CSNK2A2IP: variants seen among roughly 807,000 people sequenced by gnomAD.
CSNK2A2IP encodes the protein casein kinase II subunit alpha'-interacting protein.
At chr3:88,446,046 C>G in the CSNK2A2IP span, among the ~76,000 whole-genome samples, 7 of 62,196 alleles carry the variant, frequency 1.1e-4, no homozygotes, top group East Asian at 4.1e-4. Flanking sequence ...TTCTTTCTTT[C>G]TTTCTTTCTT....
the CSNK2A2IP span, among the ~76,000 whole-genome samples, chr3:88,351,728 T>C: frequency 6.6e-6 from 1 of 152,176 alleles, no homozygotes; most frequent in African/African-American, 2.4e-5. Flanking sequence ...CCCATTTTCC[T>C]ATGAGAAAGC....
the CSNK2A2IP span, among the ~76,000 whole-genome samples, chr3:88,442,751 C>G: frequency 6.6e-6 from 1 of 151,484 alleles, no homozygotes; most frequent in Non-Finnish European, 1.5e-5. Context: ...TTTGGTCTAG[C>G]TAATCTAGAT....
chr3:88,466,441 C>A, the CSNK2A2IP span: 6 of 1,231,822 alleles, frequency 4.9e-6, no homozygotes, highest in South Asian at 4.1e-5. Context: ...TCTACCATCA[C>A]CCCATCCAAA....
At chr3:88,458,657 T>C in the CSNK2A2IP span, among the ~76,000 whole-genome samples, 1 of 152,130 alleles carries the variant, frequency 6.6e-6, no homozygotes, top group East Asian at 1.9e-4. Context: ...CTAATGTCAT[T>C]AATTTGAGAA....
the CSNK2A2IP span, among the ~76,000 whole-genome samples, chr3:88,385,628 T>TA: frequency 6.6e-6 from 1 of 152,148 alleles, no homozygotes; most frequent in Non-Finnish European, 1.5e-5. Context: ...TTTATAGGTT[T>TA]ATTGGGAAAA....
chr3:88,463,334 T>C, the CSNK2A2IP span, among the ~76,000 whole-genome samples: 437 of 151,960 alleles, frequency 2.9e-3, 2 homozygotes, highest in African/African-American at 9.8e-3. Context: ...AATTGTGTGG[T>C]ATGACACCCT....
the CSNK2A2IP span, among the ~76,000 whole-genome samples, chr3:88,398,121 G>A: frequency 2.6e-5 from 4 of 152,168 alleles, no homozygotes; most frequent in South Asian, 8.3e-4. Flanking sequence ...TTCATAAACA[G>A]AAAATTAAAT....
the CSNK2A2IP span, among the ~76,000 whole-genome samples, chr3:88,419,347 A>G: frequency 4.6e-5 from 7 of 152,260 alleles, no homozygotes; most frequent in South Asian, 1.5e-3. Context: ...ACTTATGAGA[A>G]CATGCAATAT....
the CSNK2A2IP span, among the ~76,000 whole-genome samples, chr3:88,438,735 CAG>C: frequency 6.6e-5 from 10 of 152,260 alleles, no homozygotes; most frequent in South Asian, 4.1e-4. Context: ...TAAAACTAGA[CAG>C]TGTTCCCTTC....
chr3:88,361,902 CAGTT>C, the CSNK2A2IP span, among the ~76,000 whole-genome samples: 9 of 152,028 alleles, frequency 5.9e-5, no homozygotes, highest in Middle Eastern at 3.4e-3. Context: ...ATGCATTTCT[CAGTT>C]AGTCAATTAA....
At chr3:88,447,261 G>T in the CSNK2A2IP span, among the ~76,000 whole-genome samples, 2 of 152,056 alleles carry the variant, frequency 1.3e-5, no homozygotes, top group Non-Finnish European at 2.9e-5. Context: ...GAATATTAAA[G>T]CAAGAGGCCA....
At chr3:88,358,495 G>A in the CSNK2A2IP span, among the ~76,000 whole-genome samples, 1 of 151,378 alleles carries the variant, frequency 6.6e-6, no homozygotes, top group African/African-American at 2.4e-5. Flanking sequence ...GTTTTGAGGT[G>A]TGTTCCTTTT....
the CSNK2A2IP span, among the ~76,000 whole-genome samples, chr3:88,378,618 A>G: frequency 2.0e-5 from 3 of 152,060 alleles, no homozygotes; most frequent in Non-Finnish European, 2.9e-5. Flanking sequence ...TGGCTTCTGT[A>G]CTGAATAATA....
At chr3:88,449,948 A>G in the CSNK2A2IP span, among the ~76,000 whole-genome samples, 3 of 144,394 alleles carry the variant, frequency 2.1e-5, no homozygotes, top group African/African-American at 5.2e-5. Flanking sequence ...GCTCACTGCA[A>G]CCTCCACCAT....
chr3:88,356,511 T>A, the CSNK2A2IP span, among the ~76,000 whole-genome samples: 1,097 of 152,272 alleles, frequency 7.2e-3, 8 homozygotes, highest in Non-Finnish European at 9.5e-3. Context: ...AATGAACAAT[T>A]AGGTTGATTC....
At chr3:88,368,312 A>T in the CSNK2A2IP span, among the ~76,000 whole-genome samples, 1 of 151,992 alleles carries the variant, frequency 6.6e-6, no homozygotes, top group African/African-American at 2.4e-5. Flanking sequence ...GACAAAACAA[A>T]GGGAAAATTG....
chr3:88,372,849 C>T, the CSNK2A2IP span, among the ~76,000 whole-genome samples: 66 of 151,480 alleles, frequency 4.4e-4, no homozygotes, highest in African/African-American at 1.5e-3. Flanking sequence ...AGTAACATCA[C>T]ATTAAATAGA....
chr3:88,345,517 C>A, the CSNK2A2IP span, among the ~76,000 whole-genome samples: 7 of 151,992 alleles, frequency 4.6e-5, no homozygotes, highest in African/African-American at 1.7e-4. Flanking sequence ...ATGCTCACTT[C>A]ATGCCTCTGT....
chr3:88,398,398 A>T, the CSNK2A2IP span, among the ~76,000 whole-genome samples: 1 of 152,142 alleles, frequency 6.6e-6, no homozygotes, highest in Non-Finnish European at 1.5e-5. Flanking sequence ...CTTAAATTAT[A>T]AAGAATATTA....
Sources: gnomAD v4.1 joint callset for allele counts (sites outside exome capture counted in the v4.1 genomes callset) on GRCh38, gnomAD v4.1.1 for gene constraint, MANE v1.5 for transcripts, NCBI Gene and HGNC (gene_info 2026-07-23, HGNC 2026-07-21) for gene names.